NCAM1: variants seen among roughly 807,000 people sequenced by gnomAD.
NCAM1 encodes antigen recognized by monoclonal antibody 5.1H11.
Under a neutral mutation model 109.8 loss-of-function variants are expected in NCAM1, and 14 were observed. The observed-to-expected ratio is 0.13, with a 90% CI of 0.08 to 0.20. The LOEUF (loss-of-function observed/expected upper bound fraction) is 0.20. Among genes scored for constraint, NCAM1 ranks in the 10% least tolerant of loss-of-function variants. The pLI, the probability that NCAM1 is intolerant of heterozygous loss-of-function variation, is 1.00. For missense variants in NCAM1, 774 were observed against 1,109.9 expected (o/e 0.70, Z 4.30); for synonymous variants, 418 against 442.9 (o/e 0.94, Z 0.70).
chr11:113,034,173 T>C (rs1478941828), intron 1 of NCAM1, among the ~76,000 whole-genome samples: 1 of 152,184 alleles, frequency 6.6e-6, no homozygotes, highest in Non-Finnish European at 1.5e-5. Context: ...TGGGGGTCAG[T>C]TTCTTTCTCT....
At chr11:113,251,137 C>A (rs1165497660) in intron 15 of NCAM1, among the ~76,000 whole-genome samples, 4 of 152,170 alleles carry the variant, frequency 2.6e-5, no homozygotes, top group African/African-American at 9.6e-5. Context: ...CTGTTTGGCA[C>A]CCCAGCCTTT....
chr11:113,244,654 C>CGT (rs55798470), intron 14 of NCAM1, among the ~76,000 whole-genome samples: 4,249 of 149,834 alleles, frequency 0.028, 97 homozygotes, highest in South Asian at 0.047. Flanking sequence ...TGTGTGTGTG[C>CGT]GTGTGTGTGT....
At chr11:113,164,581 A>G (rs1942718411) in intron 1 of NCAM1, among the ~76,000 whole-genome samples, 1 of 152,226 alleles carries the variant, frequency 6.6e-6, no homozygotes, top group Non-Finnish European at 1.5e-5. Flanking sequence ...AGGGAAACAC[A>G]TATTTACATT....
At chr11:113,020,301 G>A (rs947651004) in intron 1 of NCAM1, among the ~76,000 whole-genome samples, 6 of 152,166 alleles carry the variant, frequency 3.9e-5, no homozygotes, top group Non-Finnish European at 8.8e-5. Context: ...AAGAGGCTGG[G>A]TGAGGGTGCT....
At chr11:113,035,262 C>A (rs1008158797) in intron 1 of NCAM1, among the ~76,000 whole-genome samples, 23 of 152,280 alleles carry the variant, frequency 1.5e-4, no homozygotes, top group African/African-American at 5.3e-4. Flanking sequence ...CTCAATTTTT[C>A]CCTTGAAACT....
At chr11:113,024,293 C>T (rs782525929) in intron 1 of NCAM1, among the ~76,000 whole-genome samples, 12 of 152,106 alleles carry the variant, frequency 7.9e-5, no homozygotes, top group Non-Finnish European at 1.2e-4. Flanking sequence ...TGAACTTTAG[C>T]GAAAATTTGG....
At chr11:113,197,024 T>C (rs1555110950) in intron 1 of NCAM1, among the ~76,000 whole-genome samples, 1 of 152,118 alleles carries the variant, frequency 6.6e-6, no homozygotes, top group Admixed American at 6.5e-5. Flanking sequence ...CTTCTTCACG[T>C]GGCAGCAGGA....
intron 1 of NCAM1, among the ~76,000 whole-genome samples, chr11:113,077,231 T>C (rs1363152002): frequency 6.6e-6 from 1 of 152,078 alleles, no homozygotes; most frequent in Non-Finnish European, 1.5e-5. Context: ...CTGATGGAGA[T>C]ATATAGAGGG....
chr11:113,205,588 G>A lies in NCAM1; in HGVS notation c.412G>A (p.Val138Met), dbSNP rs1944212796. 2.5e-6 allele frequency: 4 copies of A among 1,613,798 alleles called. No individual in the cohort carries two copies. The highest frequency in any genetic ancestry group is 2.2e-5 in the East Asian group (1 of 44,854). Residue 138 changes from valine to methionine, a missense_variant, in exon 4 of 20, where the codon GTG (valine) becomes ATG (methionine). Physicochemically the swap from Val to Met is conservative, Grantham distance 21. Around this residue, in one of 4 missense-constraint regions of NCAM1, gnomAD observed 17 missense variants for 54.1 expected, o/e 0.31. Coordinates refer to ENST00000316851, the MANE Select transcript of NCAM1 (RefSeq NM_181351.5). The part of the protein sequence containing the change: ...EFREGEDAVI[V>M]CDVVSSLPPT... ...CCGGGAGGGGGAAGATGCCGTGATT[G>A]TGTGTGATGTGGTCAGCTCCCTCCC...
intron 19 of NCAM1, 22 bp downstream of exon 19, chr11:113,271,898 G>A: frequency 6.5e-7 from 1 of 1,538,130 alleles, no homozygotes; most frequent in Non-Finnish European, 8.8e-7. Context: ...GGGAGGGGCT[G>A]GCACCTGCTC....
intron 1 of NCAM1, among the ~76,000 whole-genome samples, chr11:113,015,627 T>C (rs1555075156): frequency 2.0e-5 from 3 of 151,884 alleles, no homozygotes; most frequent in African/African-American, 7.3e-5. Context: ...TTTCAGCTAC[T>C]TGGGAGGCTG....
intron 1 of NCAM1, among the ~76,000 whole-genome samples, chr11:113,189,175 G>T (rs1012940640): frequency 3.9e-5 from 6 of 151,980 alleles, no homozygotes; most frequent in African/African-American, 1.5e-4. Flanking sequence ...GCCTCGGCCG[G>T]GCACGGTGGC....
At chr11:113,140,886 A>G (rs1565459624) in intron 1 of NCAM1, among the ~76,000 whole-genome samples, 1 of 151,156 alleles carries the variant, frequency 6.6e-6, no homozygotes, top group Non-Finnish European at 1.5e-5. Context: ...ATTTCACATC[A>G]TCCTGAGGAT....
At chr11:113,128,654 C>G (rs890153135) in intron 1 of NCAM1, among the ~76,000 whole-genome samples, 1 of 152,242 alleles carries the variant, frequency 6.6e-6, no homozygotes, top group African/African-American at 2.4e-5. Flanking sequence ...CTTGGGATGA[C>G]TTACTCACAT....
At chr11:113,026,426 A>T (rs1284634396) in intron 1 of NCAM1, among the ~76,000 whole-genome samples, 1 of 152,162 alleles carries the variant, frequency 6.6e-6, no homozygotes, top group Non-Finnish European at 1.5e-5. Context: ...AGAGGTGCTG[A>T]CTTCCCTGCA....
intron 14 of NCAM1, among the ~76,000 whole-genome samples, chr11:113,245,542 A>C (rs1431931844): frequency 6.6e-6 from 1 of 152,240 alleles, no homozygotes; most frequent in Non-Finnish European, 1.5e-5. Context: ...GTGTCAACAC[A>C]GCCATTGTCT....
chr11:113,192,463 T>A (rs116912830), intron 1 of NCAM1, among the ~76,000 whole-genome samples: 2,311 of 152,250 alleles, frequency 0.015, 39 homozygotes, highest in Non-Finnish European at 0.023. Flanking sequence ...GAGCTTCTGT[T>A]AAAAAGTGCC....
intron 1 of NCAM1, among the ~76,000 whole-genome samples, chr11:113,084,604 T>C (rs1479267768): frequency 6.6e-6 from 1 of 152,190 alleles, no homozygotes; most frequent in African/African-American, 2.4e-5. Context: ...TTATGTACCA[T>C]GAAACACAGT....
intron 1 of NCAM1, among the ~76,000 whole-genome samples, chr11:113,157,484 A>C (rs1311664937): frequency 1.3e-5 from 2 of 152,186 alleles, no homozygotes; most frequent in East Asian, 1.9e-4. Context: ...CATACTAGTC[A>C]GACAGTGGCA....
Sources: gnomAD v4.1 joint callset for allele counts (sites outside exome capture counted in the v4.1 genomes callset) on GRCh38, gnomAD v4.1.1 for gene constraint, gnomAD v4.1.1 regional missense constraint, MANE v1.5 for transcripts, NCBI Gene and HGNC (gene_info 2026-07-23, HGNC 2026-07-21) for gene names.